BLTP1: variants seen among roughly 807,000 people sequenced by gnomAD.
The protein encoded by BLTP1 is fragile site-associated protein.
At chr4:122,155,019 T>C in the BLTP1 span, 1 of 758,872 alleles carries the variant, frequency 1.3e-6, no homozygotes, top group Non-Finnish European at 1.6e-6. Flanking sequence ...TAAGAAGCAG[T>C]GTAATTCATT....
the BLTP1 span, chr4:122,349,805 T>C: frequency 6.3e-7 from 1 of 1,591,174 alleles, no homozygotes; most frequent in Non-Finnish European, 8.6e-7. This position sits in a 1 kb window ranked among gnomAD's most constrained non-coding sequence, Gnocchi z 4.5. Context: ...TTCTTGTACT[T>C]TTTGAGTATC....
the BLTP1 span, chr4:122,206,064 G>A: frequency 1.0e-6 from 1 of 981,728 alleles, no homozygotes; most frequent in Non-Finnish European, 1.2e-6. Context: ...AGGGTAAACA[G>A]ACAAAATATA....
chr4:122,262,648 G>A, the BLTP1 span: 1 of 1,224,062 alleles, frequency 8.2e-7, no homozygotes, highest in African/African-American at 1.5e-5. Context: ...ATCAGTTTTG[G>A]TATTAATGTG....
chr4:122,259,590 G>A, the BLTP1 span, among the ~76,000 whole-genome samples: 19 of 152,248 alleles, frequency 1.2e-4, no homozygotes, highest in East Asian at 2.9e-3. Flanking sequence ...GGCCAGGCGC[G>A]GTGGTTCATG....
At chr4:122,333,707 T>C in the BLTP1 span, 3 of 1,612,350 alleles carry the variant, frequency 1.9e-6, no homozygotes, top group Non-Finnish European at 2.5e-6. Context: ...ATTATGCTTC[T>C]ACCACCCATT....
At chr4:122,207,541 T>C in the BLTP1 span, 1 of 1,579,120 alleles carries the variant, frequency 6.3e-7, no homozygotes, top group Non-Finnish European at 8.6e-7. Context: ...TCTTTTGTAG[T>C]GTATCTGGCA....
At chr4:122,280,519 A>G in the BLTP1 span, among the ~76,000 whole-genome samples, 7 of 151,910 alleles carry the variant, frequency 4.6e-5, no homozygotes, top group African/African-American at 9.7e-5. Context: ...AACTAATAAA[A>G]ATACGTGGTG....
chr4:122,268,735 A>T, the BLTP1 span, among the ~76,000 whole-genome samples: 2 of 152,076 alleles, frequency 1.3e-5, no homozygotes, highest in Admixed American at 6.6e-5. Flanking sequence ...GTAAAATGTT[A>T]TGGGGATTTA....
At chr4:122,334,400 T>C in the BLTP1 span, 2 of 1,612,796 alleles carry the variant, frequency 1.2e-6, no homozygotes, top group Non-Finnish European at 1.7e-6. Context: ...CCAGGGGATC[T>C]TCCTTGCCAA....
chr4:122,158,954 G>A, the BLTP1 span, among the ~76,000 whole-genome samples: 1 of 152,064 alleles, frequency 6.6e-6, no homozygotes, highest in Non-Finnish European at 1.5e-5. Flanking sequence ...CATAGATTAT[G>A]ATATTAAAAA....
At chr4:122,180,084 A>G in the BLTP1 span, 192 of 984,902 alleles carry the variant, frequency 1.9e-4, no homozygotes, top group African/African-American at 2.2e-3. Context: ...GGCTTCTTTA[A>G]AAAAACCTAA....
chr4:122,354,621 G>A, the BLTP1 span, among the ~76,000 whole-genome samples: 2 of 151,186 alleles, frequency 1.3e-5, no homozygotes, highest in African/African-American at 4.9e-5. Flanking sequence ...AGATTGACAG[G>A]TGTTGAGACT....
At chr4:122,343,342 A>C in the BLTP1 span, 11 of 1,586,330 alleles carry the variant, frequency 6.9e-6, no homozygotes, top group Non-Finnish European at 6.0e-6. Context: ...TCTGGTTCTT[A>C]AGAACATATT....
chr4:122,157,336 A>T, the BLTP1 span, among the ~76,000 whole-genome samples: 2 of 152,120 alleles, frequency 1.3e-5, no homozygotes, highest in Non-Finnish European at 2.9e-5. Flanking sequence ...GACTTTAGTT[A>T]TCTAGGGTAG....
chr4:122,237,247 T>G, the BLTP1 span: 4 of 985,308 alleles, frequency 4.1e-6, no homozygotes, highest in Non-Finnish European at 4.8e-6. Context: ...CAAGAGTTAT[T>G]TTTTTTGGAT....
chr4:122,171,848 C>T, the BLTP1 span: 2 of 983,224 alleles, frequency 2.0e-6, no homozygotes, highest in South Asian at 4.7e-5. Flanking sequence ...TTGTTTAATC[C>T]CTCTGTTTTA....
At chr4:122,187,999 C>T in the BLTP1 span, 1 of 1,596,232 alleles carries the variant, frequency 6.3e-7, no homozygotes, top group Non-Finnish European at 8.5e-7. Context: ...GTCATCTTGA[C>T]CAATTCATGC....
chr4:122,167,827 C>T, the BLTP1 span: 11 of 985,290 alleles, frequency 1.1e-5, no homozygotes, highest in African/African-American at 1.9e-4. Flanking sequence ...CTTCACCTTG[C>T]AACTCTTAGA....
chr4:122,232,476 G>A, the BLTP1 span, among the ~76,000 whole-genome samples: 2 of 152,018 alleles, frequency 1.3e-5, no homozygotes, highest in African/African-American at 4.8e-5. Context: ...AGTCCTATAG[G>A]GGATAACGTA....
Sources: gnomAD v4.1 joint callset for allele counts (sites outside exome capture counted in the v4.1 genomes callset) on GRCh38, gnomAD v4.1.1 for gene constraint, Gnocchi (gnomAD v3.1) non-coding constraint, MANE v1.5 for transcripts, NCBI Gene and HGNC (gene_info 2026-07-23, HGNC 2026-07-21) for gene names.